The following PLEKHA7 variants were observed in gnomAD, a reference collection of about 807,000 sequenced individuals.
The protein encoded by PLEKHA7 is pleckstrin homology domain-containing family A member 7.
In PLEKHA7, 104 loss-of-function variants were observed where a neutral mutation model predicts 170.0. That is an observed-to-expected ratio of 0.61 (90% CI 0.52 to 0.72). The LOEUF (loss-of-function observed/expected upper bound fraction) is 0.72, where lower values mean the gene tolerates loss of function less well. Ranked by LOEUF, PLEKHA7 falls within the 30% of genes least tolerant of loss-of-function variation. The pLI, the probability that PLEKHA7 is intolerant of heterozygous loss-of-function variation, is 0.00. For missense variants in PLEKHA7, 1,615 were observed against 1,671.7 expected, an observed-to-expected ratio of 0.97 and a Z score of 0.59; for synonymous variants, 648 against 660.8, an observed-to-expected ratio of 0.98 and a Z score of 0.30.
chr11:16,916,272 G>A (rs867778486), intron 3 of PLEKHA7, among the ~76,000 whole-genome samples: 3 of 152,300 alleles, frequency 2.0e-5, no homozygotes, highest in South Asian at 2.1e-4. Context: ...TTTGTCAGAT[G>A]AGTAGGTTGC....
At chr11:16,860,192 A>C (rs1023108959) in intron 4 of PLEKHA7, among the ~76,000 whole-genome samples, 1 of 152,230 alleles carries the variant, frequency 6.6e-6, no homozygotes, top group African/African-American at 2.4e-5. Context: ...GGATGTGTGA[A>C]GTGAGCCTGA....
intron 6 of PLEKHA7, 76 bp downstream of exon 6, chr11:16,854,813 C>A: frequency 7.5e-7 from 1 of 1,330,064 alleles, no homozygotes. Context: ...CCATCCCTAG[C>A]TTCCTGGTGC....
At chr11:16,982,096 G>C (rs754904585) in intron 3 of PLEKHA7, among the ~76,000 whole-genome samples, 2 of 152,226 alleles carry the variant, frequency 1.3e-5, no homozygotes, top group African/African-American at 4.8e-5. Context: ...GGCCAGGCTG[G>C]GGGGAACAAG....
chr11:16,831,890 C>T (rs1022376188), intron 9 of PLEKHA7, among the ~76,000 whole-genome samples: 10 of 152,174 alleles, frequency 6.6e-5, no homozygotes, highest in African/African-American at 1.9e-4. Flanking sequence ...CCTCCCTTGC[C>T]CCAATTTTTT....
At chr11:16,875,353 A>ATT (rs10710066) in intron 3 of PLEKHA7, among the ~76,000 whole-genome samples, 1 of 148,254 alleles carries the variant, frequency 6.7e-6, no homozygotes, top group African/African-American at 2.5e-5. Flanking sequence ...AGAATACTAA[A>ATT]TTTTTTTTTT....
At chr11:16,932,301 A>G (rs1013199624) in intron 3 of PLEKHA7, among the ~76,000 whole-genome samples, 7 of 144,234 alleles carry the variant, frequency 4.9e-5, no homozygotes, top group Admixed American at 3.5e-4. Context: ...TTTCTGAGAC[A>G]AAGTCTTGCT....
intron 3 of PLEKHA7, among the ~76,000 whole-genome samples, chr11:16,918,054 T>C (rs572734665): frequency 1.2e-4 from 19 of 152,292 alleles, no homozygotes; most frequent in East Asian, 5.8e-4. Flanking sequence ...AGCTCCACTC[T>C]AGGTAAATGC....
At chr11:16,848,908 G>A (rs903193155) in intron 8 of PLEKHA7, among the ~76,000 whole-genome samples, 5 of 152,178 alleles carry the variant, frequency 3.3e-5, no homozygotes, top group African/African-American at 1.2e-4. Context: ...ACAAAACACT[G>A]TGTATTCCTT....
At chr11:16,970,841 G>A (rs1471105667) in intron 3 of PLEKHA7, among the ~76,000 whole-genome samples, 1 of 152,096 alleles carries the variant, frequency 6.6e-6, no homozygotes, top group East Asian at 1.9e-4. Context: ...GAAAAGACAG[G>A]AAGAAAAAAA....
chr11:16,787,671 C>T (rs556725808), intron 23 of PLEKHA7: 1 of 152,154 alleles, frequency 6.6e-6, no homozygotes, highest in Non-Finnish European at 1.5e-5. Flanking sequence ...TATTATTAAG[C>T]AACATGTTTA....
At chr11:16,925,963 G>C (rs1223328236) in intron 3 of PLEKHA7, among the ~76,000 whole-genome samples, 2 of 152,254 alleles carry the variant, frequency 1.3e-5, no homozygotes, top group Non-Finnish European at 2.9e-5. Flanking sequence ...TCAGAACTGC[G>C]CTGTTCTGGC....
intron 3 of PLEKHA7, among the ~76,000 whole-genome samples, chr11:16,950,858 C>T (rs1030962053): frequency 6.6e-6 from 1 of 152,218 alleles, no homozygotes; most frequent in African/African-American, 2.4e-5. Context: ...CCCCACCTCA[C>T]TTCCTCGTTC....
At chr11:16,994,933 T>C (rs1402099761) in intron 3 of PLEKHA7, among the ~76,000 whole-genome samples, 4 of 152,184 alleles carry the variant, frequency 2.6e-5, no homozygotes, top group African/African-American at 9.7e-5. Flanking sequence ...CCAGTGTTGC[T>C]TTGATTCATT....
intron 3 of PLEKHA7, among the ~76,000 whole-genome samples, chr11:16,979,637 T>C (rs920745795): frequency 3.3e-5 from 5 of 152,134 alleles, no homozygotes; most frequent in African/African-American, 9.7e-5. Context: ...CTTTTACCAT[T>C]TTTGTTGTTT....
intron 4 of PLEKHA7, among the ~76,000 whole-genome samples, chr11:16,857,154 G>A (rs1017452130): frequency 6.6e-6 from 1 of 152,198 alleles, no homozygotes; most frequent in African/African-American, 2.4e-5. Context: ...TCCTTTCTGT[G>A]CCCGGAGACA....
In PLEKHA7 at chr11:16,871,146, C is replaced by T; in HGVS notation, c.258G>A (p.Val86=). ...NQQTTAFRHP[V]TGQFSPENSE... Reference sequence around the variant, plus strand: ...TATTTTCTGGAGAAAACTGTCCCGTCACAGGATGCCTGAATGCTGTGGTCT... The same window carrying T: ...TATTTTCTGGAGAAAACTGTCCCGTTACAGGATGCCTGAATGCTGTGGTCT... The change falls in exon 4 of 27, where the codon GTG becomes GTA. Residue 86 remains valine (V), a synonymous_variant. Coordinates refer to ENST00000531066, the MANE Select transcript of PLEKHA7 (RefSeq NM_001329630.2). The T allele has an allele frequency of 6.2e-7, 1 of 1,610,166 alleles. No homozygotes were observed. Among genetic ancestry groups the T allele is most frequent in the Non-Finnish European group, 8.5e-7 (1 of 1,176,568 alleles).
Position 16,817,151 on chromosome 11 carries a change from C to T in PLEKHA7, c.1515G>A (p.Leu505=). Reference sequence around the variant, plus strand: ...CCCGGCGCTCTTCACTCGACATCTTCAGGTGGCTGGCTCGGTCCTGCGCAT... The same window carrying T: ...CCCGGCGCTCTTCACTCGACATCTTTAGGTGGCTGGCTCGGTCCTGCGCAT... ...YKYAQDRASH[L]KMSSEERRAH... Residue 505 remains leucine, a synonymous_variant, in exon 11 of 27, where the codon CTG becomes CTA. Transcript: ENST00000531066. This position sits in a 1 kb window ranked among gnomAD's most constrained non-coding sequence, Gnocchi z 4.4. 1 of 1,614,228 alleles carries T rather than the reference C, an allele frequency of 6.2e-7. No homozygotes were observed. The highest frequency in any genetic ancestry group is 8.5e-7 in the Non-Finnish European group (1 of 1,180,046).
chr11:16,784,444 T>G (rs1290678320), intron 24 of PLEKHA7, among the ~76,000 whole-genome samples: 1 of 152,180 alleles, frequency 6.6e-6, no homozygotes, highest in Admixed American at 6.5e-5. Context: ...TGAAAGGATG[T>G]GATGGTGCTT....
intron 3 of PLEKHA7, among the ~76,000 whole-genome samples, chr11:16,923,288 G>A (rs1859234453): frequency 6.6e-6 from 1 of 152,152 alleles, no homozygotes; most frequent in Non-Finnish European, 1.5e-5. Context: ...TCCTAATCAA[G>A]GCCATCTTCA....
Sources: allele counts gnomAD v4.1 joint callset (sites outside exome capture counted in the v4.1 genomes callset), GRCh38; gene constraint gnomAD v4.1.1; non-coding constraint Gnocchi (gnomAD v3.1); transcripts MANE v1.5; gene names NCBI Gene and HGNC (gene_info 2026-07-23, HGNC 2026-07-21).